Variants in PRKG2 observed in about 807,000 individuals in gnomAD.
PRKG2 encodes cGMP-dependent protein kinase 2.
A neutral mutation model predicts 97.2 loss-of-function variants in PRKG2; 33 were observed. That is an observed-to-expected ratio of 0.34 (90% CI 0.26 to 0.45). PRKG2 has a LOEUF of 0.45. Among genes scored for constraint, PRKG2 ranks in the 20% least tolerant of loss-of-function variants. The pLI, the probability that PRKG2 is intolerant of heterozygous loss-of-function variation, is 1.00. For synonymous variants in PRKG2, 330 were observed against 321.8 expected (o/e 1.03, Z -0.27); for missense variants, 638 against 900.0 (o/e 0.71, Z 3.73).
At chr4:81,113,404 T>C (rs1225398778) in intron 14 of PRKG2, among the ~76,000 whole-genome samples, 1 of 151,986 alleles carries the variant, frequency 6.6e-6, no homozygotes, top group Admixed American at 6.6e-5. Flanking sequence ...AAACTGAGGT[T>C]TCAAGACGAG....
At chr4:81,200,621 T>C (rs1406838190) in intron 2 of PRKG2, among the ~76,000 whole-genome samples, 1 of 152,002 alleles carries the variant, frequency 6.6e-6, no homozygotes, top group African/African-American at 2.4e-5. Context: ...ATTTCAAGAG[T>C]CTTGGATTCT....
chr4:81,193,214 A>G (rs996867865), intron 2 of PRKG2: 1 of 152,144 alleles, frequency 6.6e-6, no homozygotes, highest in African/African-American at 2.4e-5. Flanking sequence ...GCTTAATTAT[A>G]TCTACATGCA....
At chr4:81,135,002 T>C (rs974730235) in intron 14 of PRKG2, among the ~76,000 whole-genome samples, 153 bp downstream of exon 14, 5 of 152,136 alleles carry the variant, frequency 3.3e-5, no homozygotes, top group South Asian at 2.1e-4. Flanking sequence ...ACTCATAACA[T>C]TGCTCCCAGT....
chr4:81,145,028 T>G lies in PRKG2; in HGVS notation c.1155-698A>C, dbSNP rs1747721712. Among the ~76,000 whole-genome samples the G allele has an allele frequency of 2.0e-5, 3 of 152,082 alleles. No individual in the cohort carries two copies. The South Asian group carries it at 6.2e-4, about 31-fold the overall frequency. Reference sequence around the variant, plus strand: ...ATCATTGTTGGACATTTGGGTTGGTTCCAAGTCTTTGCTATTGTGAGTAGT... The same window carrying G: ...ATCATTGTTGGACATTTGGGTTGGTGCCAAGTCTTTGCTATTGTGAGTAGT... On this transcript the variant is annotated intron_variant, in intron 9 of 18. Transcript: ENST00000264399.
At chr4:81,111,405 TA>T (rs1191105845) in intron 14 of PRKG2, among the ~76,000 whole-genome samples, 1 of 149,596 alleles carries the variant, frequency 6.7e-6, no homozygotes, top group African/African-American at 2.5e-5. Context: ...TGATTAATAT[TA>T]TATCATGTTA....
chr4:81,104,533 A>C (rs563431435), intron 16 of PRKG2, 101 bp from the exon 17 acceptor site: 162 of 508,058 alleles, frequency 3.2e-4, no homozygotes, highest in Middle Eastern at 6.9e-4. Flanking sequence ...TTTGTTAATT[A>C]ATTAATTCAT....
At chr4:81,215,287 C>T (rs1402915919), upstream of PRKG2, among the ~76,000 whole-genome samples, 1 of 152,172 alleles carries the variant, frequency 6.6e-6, no homozygotes, top group Non-Finnish European at 1.5e-5. Flanking sequence ...TCAGCCGGGG[C>T]TACTGCCTGG....
Position 81,129,142 on chromosome 4 carries a change from T to A in PRKG2, c.1776+6013A>T, listed in dbSNP as rs188991404. On this transcript the variant is annotated intron_variant, in intron 14 of 18. Coordinates refer to ENST00000264399, the MANE Select transcript of PRKG2 (RefSeq NM_006259.3). ...GTGCAGTTTTGAGTGAGTTTCTTAA[T>A]CCTGAGTTCTAATTTGATTGCCCTG... Among the ~76,000 whole-genome samples, 70 of 152,344 alleles carry A rather than the reference T, an allele frequency of 4.6e-4. No homozygotes were observed. In the East Asian group the frequency reaches 0.012, roughly 27 times the overall value.
intron 2 of PRKG2, among the ~76,000 whole-genome samples, chr4:81,198,724 C>T (rs1753113723): frequency 6.6e-6 from 1 of 152,166 alleles, no homozygotes; most frequent in Admixed American, 6.5e-5. Flanking sequence ...AAACAAAAAA[C>T]TGATGCCTCA....
chr4:81,124,655 G>C (rs866021904), intron 14 of PRKG2, among the ~76,000 whole-genome samples: 60 of 152,262 alleles, frequency 3.9e-4, no homozygotes, highest in African/African-American at 1.4e-3. Context: ...CAGCACATGA[G>C]GGAGTCACCT....
intron 14 of PRKG2, among the ~76,000 whole-genome samples, chr4:81,119,294 T>G (rs1744848598): frequency 6.6e-6 from 1 of 152,230 alleles, no homozygotes; most frequent in Non-Finnish European, 1.5e-5. Context: ...TCATGAAGGG[T>G]ACATGGTCTG....
intron 14 of PRKG2, among the ~76,000 whole-genome samples, chr4:81,124,139 T>A (rs1354815199): frequency 6.6e-6 from 1 of 152,202 alleles, no homozygotes; most frequent in East Asian, 1.9e-4. Context: ...CCCTTTATCT[T>A]TGTCTGAAAA....
intron 7 of PRKG2, among the ~76,000 whole-genome samples, chr4:81,152,454 T>C (rs1445724207): frequency 6.6e-6 from 1 of 152,198 alleles, no homozygotes; most frequent in Non-Finnish European, 1.5e-5. Context: ...TGAGTATCAG[T>C]AGTTCTGAGT....
chr4:81,201,766 T>C (rs1478590616), intron 2 of PRKG2, among the ~76,000 whole-genome samples: 1 of 152,196 alleles, frequency 6.6e-6, no homozygotes, highest in East Asian at 1.9e-4. Flanking sequence ...CTCCCTAATA[T>C]TGTTGACTGA....
chr4:81,171,582 T>C (rs1182743494), intron 4 of PRKG2, 109 bp downstream of exon 4: 16 of 727,988 alleles, frequency 2.2e-5, no homozygotes, highest in East Asian at 1.9e-4. Flanking sequence ...TAAGAACATA[T>C]AGGGTAAAAT....
intron 7 of PRKG2, 158 bp downstream of exon 7, chr4:81,153,486 G>A: frequency 1.8e-6 from 1 of 569,596 alleles, no homozygotes; most frequent in Non-Finnish European, 3.1e-6. Context: ...CCACTCCAAA[G>A]CCAGTGTTCA....
intron 2 of PRKG2, among the ~76,000 whole-genome samples, chr4:81,187,646 T>C (rs185161314): frequency 1.6e-4 from 24 of 152,118 alleles, no homozygotes; most frequent in South Asian, 1.0e-3. Context: ...AAATAAAGGG[T>C]ATTCAAATAG....
At chr4:81,197,647 G>A (rs897379632) in intron 2 of PRKG2, among the ~76,000 whole-genome samples, 1 of 152,078 alleles carries the variant, frequency 6.6e-6, no homozygotes, top group African/African-American at 2.4e-5. Flanking sequence ...GTGAAAATAA[G>A]TGAGATAACT....
chr4:81,189,090 A>G (rs1752222342), intron 2 of PRKG2, among the ~76,000 whole-genome samples: 1 of 117,554 alleles, frequency 8.5e-6, no homozygotes, highest in Non-Finnish European at 1.6e-5. Flanking sequence ...AAAAAAAAAA[A>G]AAGAAGCTAG....
Sources: gnomAD v4.1 joint callset for allele counts (sites outside exome capture counted in the v4.1 genomes callset) on GRCh38, gnomAD v4.1.1 for gene constraint, MANE v1.5 for transcripts, NCBI Gene and HGNC (gene_info 2026-07-23, HGNC 2026-07-21) for gene names.